FTO: variants seen among roughly 807,000 people sequenced by gnomAD.
The protein encoded by FTO is alpha-ketoglutarate-dependent dioxygenase FTO.
In FTO, 47 loss-of-function variants were observed where a neutral mutation model predicts 63.9. The observed-to-expected ratio is 0.74, with a 90% CI of 0.58 to 0.94. The LOEUF (loss-of-function observed/expected upper bound fraction) is 0.94, where lower values mean the gene tolerates loss of function less well. Among genes scored for constraint, FTO ranks in the 40% least tolerant of loss-of-function variants. FTO has a pLI of 0.00. For missense variants in FTO, 562 were observed against 618.1 expected (o/e 0.91, Z 0.96); for synonymous variants, 207 against 224.4 (o/e 0.92, Z 0.69).
intron 4 of FTO, among the ~76,000 whole-genome samples, chr16:53,856,327 G>T (rs1459281739): frequency 6.6e-6 from 1 of 150,794 alleles, no homozygotes. Context: ...AGGTTCCTTA[G>T]ACTTTGTAAT....
chr16:53,776,617 G>A (rs1237935325), intron 1 of FTO, among the ~76,000 whole-genome samples: 6 of 152,198 alleles, frequency 3.9e-5, no homozygotes, highest in Non-Finnish European at 2.9e-5. Flanking sequence ...TTTAAAAATA[G>A]CAAAACCCCT....
chr16:53,792,722 T>C (rs2077957256), intron 1 of FTO, among the ~76,000 whole-genome samples: 1 of 152,100 alleles, frequency 6.6e-6, no homozygotes, highest in Admixed American at 6.6e-5. Context: ...ACTACCAAAG[T>C]ATAAGATTTC....
At chr16:53,812,352 C>T (rs966223178) in intron 2 of FTO, among the ~76,000 whole-genome samples, 1 of 151,518 alleles carries the variant, frequency 6.6e-6, no homozygotes, top group African/African-American at 2.4e-5. Context: ...CTCACTGCAC[C>T]CTCTGCCTCC....
intron 8 of FTO, among the ~76,000 whole-genome samples, chr16:54,111,337 G>A (rs375796753): frequency 3.9e-5 from 6 of 152,262 alleles, no homozygotes; most frequent in African/African-American, 7.2e-5. Context: ...ATTCTTGGAC[G>A]TTTTAATGCA....
At chr16:53,789,000 T>C (rs1302108882) in intron 1 of FTO, among the ~76,000 whole-genome samples, 1 of 152,226 alleles carries the variant, frequency 6.6e-6, no homozygotes, top group Non-Finnish European at 1.5e-5. Flanking sequence ...AATTCTGTTA[T>C]AGTCATGCAC....
chr16:54,075,235 C>A (rs1372643389), intron 8 of FTO, among the ~76,000 whole-genome samples: 2 of 151,840 alleles, frequency 1.3e-5, no homozygotes, highest in Non-Finnish European at 2.9e-5. Flanking sequence ...TTGGATTTTT[C>A]ATGTAGACAT....
chr16:53,760,384 T>C (rs1318749176), intron 1 of FTO, among the ~76,000 whole-genome samples: 1 of 151,802 alleles, frequency 6.6e-6, no homozygotes, highest in Non-Finnish European at 1.5e-5. Context: ...TAGCTGGGAC[T>C]ACAGGTATGT....
intron 7 of FTO, chr16:53,923,021 A>C (rs1441495105): frequency 3.9e-5 from 6 of 152,162 alleles, no homozygotes; most frequent in African/African-American, 1.2e-4. Context: ...CATAGAATGC[A>C]CGTAATAGTG....
chr16:54,098,309 A>C (rs560336517), intron 8 of FTO, among the ~76,000 whole-genome samples: 75 of 152,320 alleles, frequency 4.9e-4, no homozygotes, highest in African/African-American at 1.6e-3. Context: ...CCTGTTAGTG[A>C]ATGTTTCTAA....
At chr16:53,898,107 C>T (rs1054376032) in intron 7 of FTO, among the ~76,000 whole-genome samples, 2 of 152,126 alleles carry the variant, frequency 1.3e-5, no homozygotes, top group Non-Finnish European at 2.9e-5. Flanking sequence ...TCGTTTCACT[C>T]CCCTGTTTCA....
chr16:54,014,850 CTTTTT>C (rs149634902), intron 8 of FTO, among the ~76,000 whole-genome samples: 12,503 of 102,454 alleles, frequency 0.12, 710 homozygotes, highest in African/African-American at 0.25. Flanking sequence ...CTCTCTCTCT[CTTTTT>C]TTTTTTTTTT....
chr16:53,754,493 C>T (rs116390631), intron 1 of FTO, among the ~76,000 whole-genome samples: 480 of 152,302 alleles, frequency 3.2e-3, no homozygotes, highest in African/African-American at 0.011. Context: ...CAAAAATTGG[C>T]CGGGCACGGT....
intron 7 of FTO, among the ~76,000 whole-genome samples, chr16:53,912,515 T>G (rs1302302337): frequency 6.6e-6 from 1 of 152,224 alleles, no homozygotes; most frequent in Non-Finnish European, 1.5e-5. Context: ...GCTTGTGTAT[T>G]TAGAGAGGAG....
chr16:53,913,096 T>G (rs12929364), intron 7 of FTO, among the ~76,000 whole-genome samples: 130,090 of 152,196 alleles, frequency 0.85, 56,365 homozygotes, highest in East Asian at 1. Flanking sequence ...TTGCTTTGCC[T>G]CATTTCAACT....
At chr16:53,820,427 G>A (rs1220269242) in intron 2 of FTO, among the ~76,000 whole-genome samples, 1 of 151,938 alleles carries the variant, frequency 6.6e-6, no homozygotes, top group Non-Finnish European at 1.5e-5. Context: ...GTAAAGCGTG[G>A]GGAGTGATAA....
intron 8 of FTO, among the ~76,000 whole-genome samples, chr16:53,963,057 A>G (rs1351594210): frequency 6.6e-6 from 1 of 152,230 alleles, no homozygotes; most frequent in African/African-American, 2.4e-5. Flanking sequence ...TGCCAAATGT[A>G]CAAGTTTTAG....
intron 7 of FTO, among the ~76,000 whole-genome samples, chr16:53,905,871 A>G (rs1045538564): frequency 1.3e-5 from 2 of 152,124 alleles, no homozygotes; most frequent in Admixed American, 6.5e-5. Context: ...GCACCCTTTT[A>G]TGCTAGTGGT....
At chr16:54,027,108 C>T (rs1046170352) in intron 8 of FTO, among the ~76,000 whole-genome samples, 2 of 151,932 alleles carry the variant, frequency 1.3e-5, no homozygotes, top group Non-Finnish European at 2.9e-5. Flanking sequence ...GAGAAGTCAC[C>T]GAAAGGTTAA....
chr16:54,109,546 G>T (rs968558390), intron 8 of FTO, among the ~76,000 whole-genome samples: 3 of 152,172 alleles, frequency 2.0e-5, no homozygotes. Flanking sequence ...TGCCCAGGCT[G>T]GTTTCTGACT....
Sources: allele counts gnomAD v4.1 joint callset (sites outside exome capture counted in the v4.1 genomes callset), GRCh38; gene constraint gnomAD v4.1.1; transcripts MANE v1.5; gene names NCBI Gene and HGNC (gene_info 2026-07-23, HGNC 2026-07-21).